Variants in TAFA4 observed in about 807,000 individuals in gnomAD.
TAFA4 encodes chemokine-like protein TAFA-4.
In TAFA4, 20 loss-of-function variants were observed where a neutral mutation model predicts 21.1. The ratio of observed to expected loss-of-function variants is 0.95; its 90% CI spans 0.67 to 1.38. The LOEUF (loss-of-function observed/expected upper bound fraction) is 1.38, where lower values mean the gene tolerates loss of function less well. Ranked by LOEUF, TAFA4 falls within the 40% of genes most tolerant of loss-of-function variation. TAFA4 has a pLI of 0.00. For synonymous variants in TAFA4, 71 were observed against 67.4 expected (o/e 1.05, Z -0.26); for missense variants, 211 against 180.9 (o/e 1.17, Z -0.95).
In TAFA4 at chr3:68,747,496, A is replaced by G. The variant is rs570629447; in HGVS notation, c.286+5367T>C. The stretch of plus-strand genomic sequence containing the variant: ...TCTCCTGCCTGCTGCCATGTAAGAC[A>G]TGCCTTTGTTCCTCCTTCACCTTAC... On this transcript the variant is annotated intron_variant, in intron 4 of 5. Coordinates refer to ENST00000295569, the MANE Select transcript of TAFA4 (RefSeq NM_182522.5). Among the ~76,000 whole-genome samples, 101 of 152,230 alleles carry G rather than the reference A, an allele frequency of 6.6e-4. 1 individual carries two copies. The South Asian group carries it at 0.015, about 22-fold the overall frequency.
At chr3:68,802,053 C>T (rs1201059211) in intron 3 of TAFA4, among the ~76,000 whole-genome samples, 1 of 152,076 alleles carries the variant, frequency 6.6e-6, no homozygotes, top group Admixed American at 6.6e-5. Context: ...TATTAATACA[C>T]ATCTATGTTC....
intron 3 of TAFA4, among the ~76,000 whole-genome samples, chr3:68,757,800 C>T (rs1199586833): frequency 1.3e-5 from 2 of 152,132 alleles, no homozygotes; most frequent in African/African-American, 4.8e-5. Context: ...GGTGACATAA[C>T]TAATAGCACC....
At chr3:68,906,943 A>C (rs2089906558) in intron 1 of TAFA4, among the ~76,000 whole-genome samples, 2 of 149,298 alleles carry the variant, frequency 1.3e-5, no homozygotes, top group South Asian at 4.4e-4. Context: ...ACGTGGGAAG[A>C]TCACTTGAGC....
At chr3:68,856,948 C>A (rs550223340) in intron 3 of TAFA4, among the ~76,000 whole-genome samples, 1 of 152,266 alleles carries the variant, frequency 6.6e-6, no homozygotes, top group South Asian at 2.1e-4. Flanking sequence ...TCAACATAAA[C>A]ATGACAGGAT....
At chr3:68,876,550 C>T (rs142441381) in intron 3 of TAFA4, among the ~76,000 whole-genome samples, 1,905 of 152,214 alleles carry the variant, frequency 0.013, 37 homozygotes, top group African/African-American at 0.044. Context: ...ACTAAAACAG[C>T]GTATGCTATT....
rs376755023 is a variant in TAFA4 at position 68,776,487 on chromosome 3, T to C, written c.131-23469A>G. ...AAGATATAGAAAGCCTGAAAGTGTA[T>C]GCTGTAAAGCTTTAAAATATGTGAA... On this transcript the variant is annotated intron_variant, in intron 3 of 5. Coordinates refer to ENST00000295569, the MANE Select transcript of TAFA4 (RefSeq NM_182522.5). Among the ~76,000 whole-genome samples the C allele has an allele frequency of 6.6e-5, 10 of 152,314 alleles. No homozygotes were observed. In the South Asian group the frequency reaches 1.0e-3, roughly 16 times the overall value.
intron 3 of TAFA4, among the ~76,000 whole-genome samples, chr3:68,813,486 C>A (rs1163263914): frequency 6.6e-6 from 1 of 151,958 alleles, no homozygotes; most frequent in Non-Finnish European, 1.5e-5. Flanking sequence ...AACAGGATAC[C>A]ACCACCGATC....
intron 3 of TAFA4, among the ~76,000 whole-genome samples, chr3:68,875,327 C>T (rs1474458609): frequency 7.2e-5 from 11 of 151,956 alleles, no homozygotes; most frequent in Non-Finnish European, 5.9e-5. Context: ...GGTGCCTGCA[C>T]TCTACTTTGT....
At chr3:68,853,090 C>G (rs960559629) in intron 3 of TAFA4, among the ~76,000 whole-genome samples, 1 of 151,998 alleles carries the variant, frequency 6.6e-6, no homozygotes, top group Non-Finnish European at 1.5e-5. Context: ...TTTGCAAGAA[C>G]AGAGTAATAA....
intron 1 of TAFA4, among the ~76,000 whole-genome samples, chr3:68,905,523 C>T (rs11128104): frequency 0.97 from 148,011 of 152,236 alleles, 72,095 homozygotes; most frequent in Middle Eastern, 1. Context: ...CAGATACTGA[C>T]TTTAAAATTA....
chr3:68,859,468 T>C (rs1202526119), intron 3 of TAFA4, among the ~76,000 whole-genome samples: 3 of 152,142 alleles, frequency 2.0e-5, no homozygotes, highest in Non-Finnish European at 4.4e-5. Context: ...GAACTCAGTC[T>C]CAAAATCCCT....
At chr3:68,917,438 T>C (rs1394210176) in intron 1 of TAFA4, among the ~76,000 whole-genome samples, 1 of 152,080 alleles carries the variant, frequency 6.6e-6, no homozygotes, top group African/African-American at 2.4e-5. Context: ...CCCCCCTGTG[T>C]GTCAGTGTGG....
chr3:68,858,766 T>C (rs1028298023), intron 3 of TAFA4, among the ~76,000 whole-genome samples: 27 of 152,058 alleles, frequency 1.8e-4, no homozygotes, highest in African/African-American at 6.0e-4. Flanking sequence ...AACCAGCACT[T>C]GATCCCTGGC....
At chr3:68,833,976 G>A (rs898877778) in intron 3 of TAFA4, among the ~76,000 whole-genome samples, 3 of 152,194 alleles carry the variant, frequency 2.0e-5, no homozygotes, top group African/African-American at 7.2e-5. Flanking sequence ...ACACTCAGTT[G>A]GAGGGGAGAG....
intron 3 of TAFA4, among the ~76,000 whole-genome samples, chr3:68,864,560 T>A (rs1320144637): frequency 6.6e-6 from 1 of 152,094 alleles, no homozygotes; most frequent in East Asian, 1.9e-4. Context: ...AACATACACC[T>A]ACCATATGAA....
chr3:68,866,894 A>G (rs1378757101), intron 3 of TAFA4, among the ~76,000 whole-genome samples: 1 of 151,940 alleles, frequency 6.6e-6, no homozygotes, highest in Non-Finnish European at 1.5e-5. Context: ...TAAAAAAAGA[A>G]TGAAAAGGAA....
intron 3 of TAFA4, among the ~76,000 whole-genome samples, chr3:68,847,474 T>C (rs546865947): frequency 6.6e-6 from 1 of 152,248 alleles, no homozygotes; most frequent in Non-Finnish European, 1.5e-5. Flanking sequence ...TGGGATCCAC[T>C]GAACTAGACC....
chr3:68,805,770 A>C (rs974233187), intron 3 of TAFA4, among the ~76,000 whole-genome samples: 4 of 151,746 alleles, frequency 2.6e-5, no homozygotes, highest in African/African-American at 9.7e-5. Flanking sequence ...ACACATGGAC[A>C]CAGGAAGGGG....
At chr3:68,861,008 C>G (rs2089333251) in intron 3 of TAFA4, among the ~76,000 whole-genome samples, 1 of 149,380 alleles carries the variant, frequency 6.7e-6, no homozygotes, top group African/African-American at 2.5e-5. Flanking sequence ...CATCTGTTAG[C>G]ATTTTGTGAT....
Sources: allele counts gnomAD v4.1 joint callset (sites outside exome capture counted in the v4.1 genomes callset), GRCh38; gene constraint gnomAD v4.1.1; transcripts MANE v1.5; gene names NCBI Gene and HGNC (gene_info 2026-07-23, HGNC 2026-07-21).